The following RPTOR variants were observed in gnomAD, a reference collection of about 807,000 sequenced individuals.
RPTOR encodes regulatory-associated protein of mTOR.
In RPTOR, 21 loss-of-function variants were observed where a neutral mutation model predicts 169.9. That is an observed-to-expected ratio of 0.12 (90% confidence interval 0.09 to 0.18). The LOEUF (loss-of-function observed/expected upper bound fraction) is 0.18. RPTOR is among the 10% of genes least tolerant of loss of function. The pLI is 1.00. For missense variants in RPTOR, 1,133 were observed against 1,855.9 expected, an observed-to-expected ratio of 0.61 and a Z score of 7.16; for synonymous variants, 732 against 753.2, an observed-to-expected ratio of 0.97 and a Z score of 0.46.
At chr17:80,709,807 A>G (rs1419139535) in intron 4 of RPTOR, among the ~76,000 whole-genome samples, 2 of 151,802 alleles carry the variant, frequency 1.3e-5, no homozygotes, top group Non-Finnish European at 2.9e-5. Context: ...CTGCTGCTCA[A>G]AGCGCCTATC....
chr17:80,904,402 T>C (rs2068515337), intron 20 of RPTOR, among the ~76,000 whole-genome samples: 1 of 152,180 alleles, frequency 6.6e-6, no homozygotes, highest in Non-Finnish European at 1.5e-5. Context: ...AGGAAGACTC[T>C]GTCTTCTCTG....
chr17:80,668,446 C>T (rs533650963), intron 3 of RPTOR, among the ~76,000 whole-genome samples: 4 of 152,272 alleles, frequency 2.6e-5, no homozygotes, highest in South Asian at 2.1e-4. Flanking sequence ...GAGGTCTTCG[C>T]GCCCTGTCCC....
intron 2 of RPTOR, among the ~76,000 whole-genome samples, chr17:80,643,482 G>A (rs1317586283): frequency 2.6e-5 from 4 of 152,202 alleles, no homozygotes; most frequent in South Asian, 2.1e-4. Context: ...ACAAATGAAC[G>A]TGGGTAGAAT....
intron 5 of RPTOR, among the ~76,000 whole-genome samples, chr17:80,740,738 A>G (rs1169955200): frequency 6.6e-6 from 1 of 152,216 alleles, no homozygotes; most frequent in Non-Finnish European, 1.5e-5. Flanking sequence ...AAAAACTTTC[A>G]GTGAACTAAG....
chr17:80,831,364 T>TC (rs1378852605), intron 9 of RPTOR, among the ~76,000 whole-genome samples: 1 of 151,986 alleles, frequency 6.6e-6, no homozygotes, highest in East Asian at 1.9e-4. Context: ...TTCTGTGGAG[T>TC]CCGTTATTGC....
chr17:80,587,749 A>AAC (rs150091191), intron 1 of RPTOR, among the ~76,000 whole-genome samples: 28,526 of 151,600 alleles, frequency 0.19, 2,970 homozygotes, highest in East Asian at 0.28. Flanking sequence ...CGAGCTTATT[A>AAC]ACAACCATCA....
chr17:80,676,048 A>G (rs1348124593), intron 3 of RPTOR, among the ~76,000 whole-genome samples: 2 of 152,242 alleles, frequency 1.3e-5, no homozygotes, highest in Non-Finnish European at 2.9e-5. Context: ...AGTGTCTAGT[A>G]TCAAGTGTAG....
intron 1 of RPTOR, among the ~76,000 whole-genome samples, chr17:80,589,427 C>G (rs1238925381): frequency 6.6e-6 from 1 of 152,166 alleles, no homozygotes; most frequent in African/African-American, 2.4e-5. Context: ...TCTTGACTCC[C>G]TGTGTCCCTT....
intron 7 of RPTOR, among the ~76,000 whole-genome samples, chr17:80,809,499 G>A (rs1047659812): frequency 2.6e-5 from 4 of 152,170 alleles, no homozygotes; most frequent in Admixed American, 6.6e-5. Flanking sequence ...CCATCTTACC[G>A]AAGTATAACA....
At chr17:80,875,702 C>T (rs568219651) in intron 13 of RPTOR, among the ~76,000 whole-genome samples, 3 of 151,826 alleles carry the variant, frequency 2.0e-5, no homozygotes, top group Admixed American at 6.5e-5. Flanking sequence ...ATGTGTGTGT[C>T]GCCTGCCGGG....
At position 80,891,791 on chromosome 17, in the gene RPTOR, C is replaced by T. The variant is rs766526928; in HGVS notation, c.2055C>T (p.Phe685=). Residue 685 remains phenylalanine, a synonymous_variant, in exon 18 of 34, where the codon TTC becomes TTT. Transcript: ENST00000306801. Reference sequence around the variant, plus strand: ...ATTTCTGCACCGTGGCCCTGCAGTTCATAGAAGAGGAAAAGAACTACGCCT... The same window carrying T: ...ATTTCTGCACCGTGGCCCTGCAGTTTATAGAAGAGGAAAAGAACTACGCCT... ...ESNFCTVALQ[F]IEEEKNYALP... 6.2e-7 allele frequency: 1 copy of T among 1,614,138 alleles called. No homozygotes were observed. The highest frequency in any genetic ancestry group is 1.1e-5 in the South Asian group (1 of 91,078).
chr17:80,761,519 C>A (rs2066736588), intron 6 of RPTOR, among the ~76,000 whole-genome samples: 1 of 152,148 alleles, frequency 6.6e-6, no homozygotes, highest in African/African-American at 2.4e-5. Context: ...TGGGTGGAGG[C>A]TCAGCGTGGC....
chr17:80,902,449 C>G (rs1250252562), intron 20 of RPTOR, among the ~76,000 whole-genome samples: 3 of 152,242 alleles, frequency 2.0e-5, no homozygotes, highest in Non-Finnish European at 4.4e-5. Flanking sequence ...TGGCCCACCG[C>G]CAGGATCCCC....
intron 9 of RPTOR, among the ~76,000 whole-genome samples, chr17:80,835,380 C>T (rs961232606): frequency 6.6e-6 from 1 of 152,084 alleles, no homozygotes; most frequent in South Asian, 2.1e-4. Flanking sequence ...ACAGAGTCCT[C>T]GAGTCTCTTA....
At chr17:80,712,654 T>G (rs1285022769) in intron 4 of RPTOR, among the ~76,000 whole-genome samples, 3 of 152,248 alleles carry the variant, frequency 2.0e-5, no homozygotes, top group African/African-American at 7.2e-5. Context: ...TGTATGGATA[T>G]AAGCTTTCCA....
At chr17:80,737,216 C>G (rs1160369813) in intron 5 of RPTOR, among the ~76,000 whole-genome samples, 2 of 152,174 alleles carry the variant, frequency 1.3e-5, no homozygotes, top group African/African-American at 2.4e-5. Context: ...AGAGAAGCTG[C>G]CCATCACTGC....
chr17:80,697,908 C>T (rs2066050946), intron 3 of RPTOR, among the ~76,000 whole-genome samples: 1 of 125,860 alleles, frequency 7.9e-6, no homozygotes, highest in South Asian at 2.4e-4. Flanking sequence ...AGAGGTGGTA[C>T]AGCGAAGTCA....
At chr17:80,591,427 G>A (rs1245388709) in intron 1 of RPTOR, among the ~76,000 whole-genome samples, 14 of 146,706 alleles carry the variant, frequency 9.5e-5, no homozygotes, top group Non-Finnish European at 1.2e-4. Flanking sequence ...CACCCAGGCT[G>A]TAGTGCAGTG....
intron 21 of RPTOR, chr17:80,909,844 A>T (rs1382235199): frequency 1.3e-5 from 2 of 152,202 alleles, no homozygotes; most frequent in Non-Finnish European, 2.9e-5. Context: ...AGCTTTCATC[A>T]ATAAAGCTTG....
Sources: gnomAD v4.1 joint callset for allele counts (sites outside exome capture counted in the v4.1 genomes callset) on GRCh38, gnomAD v4.1.1 for gene constraint, MANE v1.5 for transcripts, NCBI Gene and HGNC (gene_info 2026-07-23, HGNC 2026-07-21) for gene names.